The following DDX60L variants were observed in gnomAD, a reference collection of about 807,000 sequenced individuals.
DDX60L encodes the protein DExD/H-box 60 like, also known as probable ATP-dependent RNA helicase DDX60-like.
In DDX60L, 191 loss-of-function variants were observed where a neutral mutation model predicts 211.6. The observed-to-expected ratio is 0.90, with a 90% CI of 0.80 to 1.02. DDX60L has a LOEUF of 1.02. DDX60L is among the 50% of genes least tolerant of loss of function. The probability of loss-of-function intolerance (pLI) is 0.00; values close to 1 mark genes in which losing one functional copy is unlikely to be tolerated. For synonymous variants in DDX60L, 706 were observed against 694.1 expected (o/e 1.02, Z -0.27); for missense variants, 2,007 against 1,984.1 (o/e 1.01, Z -0.22).
Position 168,410,946 on chromosome 4 carries a change from T to C in DDX60L, c.2980-4240A>G, listed in dbSNP as rs368380033. Among the ~76,000 whole-genome samples the C allele has an allele frequency of 2.4e-3, 369 of 152,264 alleles. 1 individual carries two copies. Among genetic ancestry groups the C allele is most frequent in the African/African-American group, 8.1e-3 (338 of 41,554 alleles). ...AGAAGCCGTAAATAGGAAAGGATAA[T>C]GTCTGTAAATAAAGAAAAGGAATAA... On this transcript the variant is annotated intron_variant, in intron 22 of 37. Coordinates refer to ENST00000682922, the MANE Select transcript of DDX60L (RefSeq NM_001012967.3).
intron 28 of DDX60L, among the ~76,000 whole-genome samples, chr4:168,394,066 G>A (rs995094338): frequency 7.2e-5 from 11 of 152,000 alleles, no homozygotes; most frequent in African/African-American, 2.2e-4. Flanking sequence ...ATGATGGTGC[G>A]CGCTTGTAAT....
At chr4:168,439,462 G>A (rs1411017698) in intron 10 of DDX60L, among the ~76,000 whole-genome samples, 1 of 151,960 alleles carries the variant, frequency 6.6e-6, no homozygotes, top group Non-Finnish European at 1.5e-5. Context: ...CTTAAGACCT[G>A]CCCTATAAAT....
intron 20 of DDX60L, 90 bp downstream of exon 20, chr4:168,416,592 T>C (rs1749605306): frequency 2.9e-6 from 2 of 689,278 alleles, no homozygotes; most frequent in South Asian, 4.2e-5. Context: ...AAAGTTATCA[T>C]AGAAAAAACC....
At chr4:168,464,177 C>A (rs1397340431) in intron 4 of DDX60L, among the ~76,000 whole-genome samples, 1 of 152,092 alleles carries the variant, frequency 6.6e-6, no homozygotes, top group Non-Finnish European at 1.5e-5. Context: ...GACTTAATGA[C>A]ATTTCTAGAA....
chr4:168,357,962 T>C lies in DDX60L; in HGVS notation c.*185A>G. On this transcript the variant is annotated 3_prime_UTR_variant, in exon 38 of 38. Coordinates refer to ENST00000682922, the MANE Select transcript of DDX60L (RefSeq NM_001012967.3). ...ACTCCGGTTTTGCCAAAAATGAAGT[T>C]AAAGCTCAGATATATTACATAACTT... 2.0e-6 allele frequency: 1 copy of C among 505,416 alleles called. No individual in the cohort carries two copies. 31.3% of individuals were successfully genotyped at this position (505,416 alleles called of 1,614,324 possible). A position where few individuals can be genotyped will look rare whatever the true frequency, so the allele number is the denominator to read the frequency against.
At chr4:168,455,615 G>C (rs1346324898) in intron 7 of DDX60L, among the ~76,000 whole-genome samples, 2 of 152,050 alleles carry the variant, frequency 1.3e-5, no homozygotes, top group African/African-American at 4.8e-5. Flanking sequence ...ATACTGAAAA[G>C]TTGTAAGATT....
chr4:168,435,511 T>C (rs902745206), intron 10 of DDX60L, among the ~76,000 whole-genome samples: 8 of 152,194 alleles, frequency 5.3e-5, no homozygotes, highest in Non-Finnish European at 7.4e-5. Flanking sequence ...TTTAACCCTA[T>C]GATGACTCCA....
At chr4:168,400,456 T>C (rs930482224) in intron 26 of DDX60L, among the ~76,000 whole-genome samples, 2 of 152,154 alleles carry the variant, frequency 1.3e-5, no homozygotes, top group African/African-American at 2.4e-5. Flanking sequence ...TCTTCCACAA[T>C]GGTTGAACTA....
At chr4:168,369,945 A>T (rs1740701963) in intron 36 of DDX60L, among the ~76,000 whole-genome samples, 1 of 152,202 alleles carries the variant, frequency 6.6e-6, no homozygotes. Flanking sequence ...AATGTGACGG[A>T]AAGGGAACCC....
intron 4 of DDX60L, among the ~76,000 whole-genome samples, chr4:168,467,418 T>G (rs67055895): frequency 9.3e-6 from 1 of 107,182 alleles, no homozygotes; most frequent in African/African-American, 3.1e-5. Context: ...TTTCAAATTT[T>G]AAAAAAAGAA....
intron 10 of DDX60L, among the ~76,000 whole-genome samples, chr4:168,437,169 C>T (rs951295250): frequency 3.9e-5 from 6 of 152,188 alleles, no homozygotes; most frequent in Non-Finnish European, 8.8e-5. Flanking sequence ...TGTTCGAGTC[C>T]TAATTCGCAC....
intron 30 of DDX60L, among the ~76,000 whole-genome samples, chr4:168,381,107 C>T (rs1394795025): frequency 6.6e-6 from 1 of 152,108 alleles, no homozygotes; most frequent in Non-Finnish European, 1.5e-5. Context: ...TCACCTGAAA[C>T]TAGAACTTGT....
chr4:168,442,369 G>C (rs1047845865), intron 9 of DDX60L, among the ~76,000 whole-genome samples: 3 of 152,186 alleles, frequency 2.0e-5, no homozygotes, highest in South Asian at 4.2e-4. Context: ...ACGGAGTCTC[G>C]CTGATTGCTA....
intron 26 of DDX60L, 57 bp from the exon 27 acceptor site, chr4:168,396,181 T>C: frequency 1.8e-6 from 2 of 1,086,346 alleles, no homozygotes; most frequent in Non-Finnish European, 2.6e-6. Context: ...ATTCAGTTAC[T>C]GCAAGAAGCC....
At chr4:168,378,738 TTTCCTGACTTGCACTC>T in intron 32 of DDX60L, among the ~76,000 whole-genome samples, 1 of 152,122 alleles carries the variant, frequency 6.6e-6, no homozygotes, top group Non-Finnish European at 1.5e-5. Flanking sequence ...TACTAACTGG[TTTCCTGACTTGCACTC>T]TCCTTTCTTC....
intron 9 of DDX60L, among the ~76,000 whole-genome samples, chr4:168,447,702 A>C (rs1189102208): frequency 2.0e-5 from 3 of 151,948 alleles, no homozygotes; most frequent in East Asian, 1.9e-4. Context: ...CAGCCATAAA[A>C]AATGATGAGT....
chr4:168,417,000 C>A (rs1462043269), intron 19 of DDX60L, among the ~76,000 whole-genome samples: 1 of 152,178 alleles, frequency 6.6e-6, no homozygotes, highest in African/African-American at 2.4e-5. Flanking sequence ...TTAATTCCTA[C>A]AGATTCCAAT....
intron 7 of DDX60L, among the ~76,000 whole-genome samples, chr4:168,454,779 T>TTTTTTTTTTTTTTTTTTTTG (rs56928644): frequency 7.1e-6 from 1 of 140,992 alleles, no homozygotes; most frequent in African/African-American, 2.5e-5. Context: ...TTTTTTTTTT[T>TTTTTTTTTTTTTTTTTTTTG]AGCAGCTAGA....
chr4:168,469,404 C>T (rs1198750508), intron 4 of DDX60L: 1 of 152,000 alleles, frequency 6.6e-6, no homozygotes, highest in African/African-American at 2.4e-5. Context: ...ATATCATAGA[C>T]CAAAATGCAA....
Sources: gnomAD v4.1 joint callset for allele counts (sites outside exome capture counted in the v4.1 genomes callset) on GRCh38, gnomAD v4.1.1 for gene constraint, MANE v1.5 for transcripts, NCBI Gene and HGNC (gene_info 2026-07-23, HGNC 2026-07-21) for gene names.